The following TYR variants were observed in gnomAD, a reference collection of about 807,000 sequenced individuals.
TYR encodes LB24-AB.
In TYR, 58 loss-of-function variants were observed where a neutral mutation model predicts 51.5. The ratio of observed to expected loss-of-function variants is 1.13; its 90% CI spans 0.91 to 1.40. The LOEUF (loss-of-function observed/expected upper bound fraction) is 1.40. Ranked by LOEUF, TYR falls within the 40% of genes most tolerant of loss-of-function variation. The pLI is 0.00. For missense variants in TYR, 732 were observed against 647.4 expected (o/e 1.13, Z -1.42); for synonymous variants, 263 against 235.2 (o/e 1.12, Z -1.08).
At chr11:89,227,415 A>C (rs1943989892) in intron 2 of TYR, among the ~76,000 whole-genome samples, 1 of 152,216 alleles carries the variant, frequency 6.6e-6, no homozygotes, top group Non-Finnish European at 1.5e-5. Flanking sequence ...GTTCTCCAGA[A>C]CTGGAAAGCA....
intron 3 of TYR, among the ~76,000 whole-genome samples, chr11:89,266,723 A>G (rs1944530172): frequency 6.6e-6 from 1 of 151,906 alleles, no homozygotes; most frequent in African/African-American, 2.4e-5. Context: ...CTTTTCTACT[A>G]TTGTTTTAGT....
intron 3 of TYR, among the ~76,000 whole-genome samples, chr11:89,278,491 A>T (rs1443483887): frequency 1.3e-5 from 2 of 151,726 alleles, no homozygotes; most frequent in Admixed American, 1.3e-4. Context: ...ACATATGTGT[A>T]TGTAAGTTTT....
intron 3 of TYR, among the ~76,000 whole-genome samples, chr11:89,272,627 C>G (rs756744316): frequency 4.0e-5 from 6 of 151,854 alleles, no homozygotes; most frequent in Non-Finnish European, 7.4e-5. Flanking sequence ...GTTAGCCCAT[C>G]CTTTGAAGCT....
In TYR at chr11:89,177,935, T is replaced by G. The variant is rs756943161; in HGVS notation, c.-19T>G. The G allele has an allele frequency of 6.2e-7, 1 of 1,612,506 alleles. No individual in the cohort carries two copies. The highest frequency in any genetic ancestry group is 1.1e-5 in the South Asian group (1 of 91,024). On this transcript the variant is annotated 5_prime_UTR_variant, in exon 1 of 5. Coordinates refer to ENST00000263321, the MANE Select transcript of TYR (RefSeq NM_000372.5). Reference sequence around the variant, plus strand: ...CCAATTAGCCAGTTCCTGCAGACCTTGTGAGGACTAGAGGAAGAATGCTCC... The same window carrying G: ...CCAATTAGCCAGTTCCTGCAGACCTGGTGAGGACTAGAGGAAGAATGCTCC...
At chr11:89,191,473 C>T (rs1413366253) in intron 2 of TYR, 55 bp downstream of exon 2, 3 of 1,539,684 alleles carry the variant, frequency 1.9e-6, no homozygotes, top group Non-Finnish European at 2.7e-6. Flanking sequence ...TTTACAGTCT[C>T]TTATCCAAAG....
At chr11:89,203,951 T>G (rs920998222) in intron 2 of TYR, among the ~76,000 whole-genome samples, 16 of 152,322 alleles carry the variant, frequency 1.1e-4, no homozygotes, top group Admixed American at 3.3e-4. Context: ...CTACCCTTAC[T>G]AGGCTATAAC....
intron 2 of TYR, among the ~76,000 whole-genome samples, chr11:89,209,808 G>C (rs887890072): frequency 6.6e-6 from 1 of 152,102 alleles, no homozygotes; most frequent in African/African-American, 2.4e-5. Context: ...CTCCATTGGT[G>C]ATACCCAGGC....
At chr11:89,186,252 G>A (rs1939259) in intron 1 of TYR, among the ~76,000 whole-genome samples, 2,183 of 152,238 alleles carry the variant, frequency 0.014, 47 homozygotes, top group African/African-American at 0.05. Context: ...CAGTGCCATC[G>A]CACAATGCTC....
intron 3 of TYR, among the ~76,000 whole-genome samples, chr11:89,228,688 A>G (rs1305847068): frequency 6.6e-6 from 1 of 152,194 alleles, no homozygotes; most frequent in African/African-American, 2.4e-5. Context: ...CTCCAGACAG[A>G]GTGCACTATG....
chr11:89,195,154 A>G (rs1169901743), intron 2 of TYR, among the ~76,000 whole-genome samples: 2 of 152,192 alleles, frequency 1.3e-5, no homozygotes, highest in East Asian at 1.9e-4. Context: ...ATAAATGCAT[A>G]TGAAATGGAA....
At chr11:89,201,809 G>A (rs1288012473) in intron 2 of TYR, among the ~76,000 whole-genome samples, 1 of 152,168 alleles carries the variant, frequency 6.6e-6, no homozygotes, top group Non-Finnish European at 1.5e-5. Context: ...GCCCCATTTT[G>A]TTAAGCAATA....
intron 2 of TYR, among the ~76,000 whole-genome samples, chr11:89,212,238 G>C (rs917307037): frequency 2.0e-5 from 3 of 152,038 alleles, no homozygotes; most frequent in Admixed American, 2.0e-4. Context: ...TATGCAATAA[G>C]AAATGATAAA....
At chr11:89,291,800 A>C (rs2135329805) in intron 4 of TYR, among the ~76,000 whole-genome samples, 1 of 152,062 alleles carries the variant, frequency 6.6e-6, no homozygotes, top group African/African-American at 2.4e-5. Context: ...AAATATTACT[A>C]TCTGTTAATT....
intron 3 of TYR, among the ~76,000 whole-genome samples, chr11:89,274,363 C>T (rs955036336): frequency 6.6e-6 from 1 of 151,806 alleles, no homozygotes. Context: ...GAAAGAAAAG[C>T]AGGGTCTAGT....
At chr11:89,276,541 G>A (rs1335597071) in intron 3 of TYR, among the ~76,000 whole-genome samples, 2 of 151,078 alleles carry the variant, frequency 1.3e-5, no homozygotes, top group Admixed American at 1.3e-4. Context: ...TATCTCCTTC[G>A]TTGTATTTCT....
At chr11:89,231,222 G>A (rs1346979133) in intron 3 of TYR, among the ~76,000 whole-genome samples, 16 of 147,842 alleles carry the variant, frequency 1.1e-4, no homozygotes, top group Admixed American at 6.1e-4. Context: ...TCATGGGAAT[G>A]TAAATTAATA....
intron 2 of TYR, among the ~76,000 whole-genome samples, chr11:89,222,275 C>T (rs528982670): frequency 1.7e-4 from 26 of 152,262 alleles, no homozygotes; most frequent in East Asian, 7.7e-4. Flanking sequence ...CATGTTAGAA[C>T]GACCCGGAGT....
intron 2 of TYR, among the ~76,000 whole-genome samples, chr11:89,226,424 T>C (rs1489626801): frequency 6.6e-6 from 1 of 152,114 alleles, no homozygotes; most frequent in African/African-American, 2.4e-5. Context: ...GTGTCATGTA[T>C]GTATATTCAC....
At chr11:89,278,059 T>A (rs1481455124) in intron 3 of TYR, among the ~76,000 whole-genome samples, 1 of 151,708 alleles carries the variant, frequency 6.6e-6, no homozygotes, top group Non-Finnish European at 1.5e-5. Context: ...TGCTCCTTGA[T>A]CCCTATAGAC....
Sources: gnomAD v4.1 joint callset for allele counts (sites outside exome capture counted in the v4.1 genomes callset) on GRCh38, gnomAD v4.1.1 for gene constraint, MANE v1.5 for transcripts, NCBI Gene and HGNC (gene_info 2026-07-23, HGNC 2026-07-21) for gene names.